The following SLC9A9 variants were observed in gnomAD, a reference collection of about 807,000 sequenced individuals.
The protein encoded by SLC9A9 is solute carrier family 9 member A9.
SLC9A9 carries 62 observed loss-of-function variants against 77.8 expected under a neutral mutation model. The observed-to-expected ratio is 0.80, with a 90% CI of 0.65 to 0.98. The LOEUF (loss-of-function observed/expected upper bound fraction) is 0.98, where lower values mean the gene tolerates loss of function less well. Among genes scored for constraint, SLC9A9 ranks in the 50% least tolerant of loss-of-function variants. The pLI is 0.00. For missense variants in SLC9A9, 775 were observed against 774.9 expected, an observed-to-expected ratio of 1.00 and a Z score of 0.00; for synonymous variants, 320 against 283.5, an observed-to-expected ratio of 1.13 and a Z score of -1.29.
intron 5 of SLC9A9, among the ~76,000 whole-genome samples, chr3:143,692,715 G>A (rs1264161824): frequency 6.6e-6 from 1 of 152,142 alleles, no homozygotes; most frequent in Non-Finnish European, 1.5e-5. Flanking sequence ...ATGTTCTAGA[G>A]CAGGGGTGTC....
intron 6 of SLC9A9, among the ~76,000 whole-genome samples, chr3:143,611,921 A>C: frequency 6.6e-6 from 1 of 152,158 alleles, no homozygotes. Flanking sequence ...AAATATTTAG[A>C]GATAGGGTCT....
chr3:143,689,579 T>C (rs1933390366), intron 5 of SLC9A9, among the ~76,000 whole-genome samples: 1 of 152,030 alleles, frequency 6.6e-6, no homozygotes, highest in Non-Finnish European at 1.5e-5. Flanking sequence ...TATTTTTTTA[T>C]TTTTTATTTT....
chr3:143,333,047 G>A (rs2031822337), intron 14 of SLC9A9, among the ~76,000 whole-genome samples: 1 of 152,146 alleles, frequency 6.6e-6, no homozygotes, highest in South Asian at 2.1e-4. Context: ...TTTTTAAGGG[G>A]AAAACTGATG....
intron 1 of SLC9A9, among the ~76,000 whole-genome samples, chr3:143,837,369 T>A (rs1300868498): frequency 6.6e-6 from 1 of 152,164 alleles, no homozygotes; most frequent in African/African-American, 2.4e-5. Flanking sequence ...TTGGAAGAAT[T>A]TAGGAGTCTA....
intron 12 of SLC9A9, among the ~76,000 whole-genome samples, chr3:143,461,977 T>C (rs1400058487): frequency 6.6e-6 from 1 of 152,224 alleles, no homozygotes; most frequent in African/African-American, 2.4e-5. Flanking sequence ...GGCTGTTATC[T>C]TAAAACTTTG....
intron 12 of SLC9A9, among the ~76,000 whole-genome samples, chr3:143,394,914 G>C (rs548035152): frequency 5.9e-5 from 9 of 152,116 alleles, no homozygotes; most frequent in Non-Finnish European, 1.2e-4. Context: ...CCTCTTCAAG[G>C]AGAGCTACAA....
chr3:143,598,696 T>A (rs1344889914), intron 6 of SLC9A9, among the ~76,000 whole-genome samples: 1 of 152,254 alleles, frequency 6.6e-6, no homozygotes, highest in African/African-American at 2.4e-5. Context: ...CCTACCTACA[T>A]GTTATTAAAA....
At chr3:143,573,270 C>T (rs2037299256) in intron 8 of SLC9A9, among the ~76,000 whole-genome samples, 1 of 152,074 alleles carries the variant, frequency 6.6e-6, no homozygotes, top group African/African-American at 2.4e-5. Context: ...GGATTCTTAC[C>T]ATTCGAATGT....
At chr3:143,571,255 A>G (rs1404850208) in intron 8 of SLC9A9, among the ~76,000 whole-genome samples, 1 of 152,220 alleles carries the variant, frequency 6.6e-6, no homozygotes, top group Non-Finnish European at 1.5e-5. Flanking sequence ...GTTACTCATA[A>G]ACTATTTAAT....
At chr3:143,696,843 G>C (rs1933655848) in intron 4 of SLC9A9, among the ~76,000 whole-genome samples, 1 of 152,086 alleles carries the variant, frequency 6.6e-6, no homozygotes, top group Non-Finnish European at 1.5e-5. Context: ...ATGGAAACTA[G>C]AAGCCTCATA....
chr3:143,815,937 C>A (rs187544481), intron 2 of SLC9A9, among the ~76,000 whole-genome samples: 1 of 152,114 alleles, frequency 6.6e-6, no homozygotes, highest in African/African-American at 2.4e-5. Flanking sequence ...CCAGAGAGAT[C>A]GAGAGACATG....
At chr3:143,370,799 T>G (rs1271831478) in intron 13 of SLC9A9, among the ~76,000 whole-genome samples, 1 of 152,062 alleles carries the variant, frequency 6.6e-6, no homozygotes, top group Non-Finnish European at 1.5e-5. Context: ...GCTTTCACAA[T>G]GGCTAGCCAT....
intron 12 of SLC9A9, among the ~76,000 whole-genome samples, chr3:143,394,921 A>G (rs1041731083): frequency 2.6e-5 from 4 of 152,238 alleles, no homozygotes; most frequent in Non-Finnish European, 2.9e-5. Flanking sequence ...AAGGAGAGCT[A>G]CAAACCACTG....
chr3:143,600,639 C>T (rs2037831479), intron 6 of SLC9A9, among the ~76,000 whole-genome samples: 1 of 152,110 alleles, frequency 6.6e-6, no homozygotes, highest in Non-Finnish European at 1.5e-5. Context: ...TCCCAAAACG[C>T]AATAAATCAG....
Position 143,341,940 on chromosome 3 carries a change from AC to A in SLC9A9, c.1604+21543del, listed in dbSNP as rs148595481. Reference sequence around the variant, plus strand: ...TATCAACACTGGTCCCTTACAAAGGACCCATGCAGATGAAGAGCCCTGAAAG... The same window carrying A: ...TATCAACACTGGTCCCTTACAAAGGACCATGCAGATGAAGAGCCCTGAAAG... On this transcript the variant is annotated intron_variant, in intron 14 of 15. Coordinates refer to ENST00000316549, the MANE Select transcript of SLC9A9 (RefSeq NM_173653.4). Among the ~76,000 whole-genome samples the A allele has an allele frequency of 5.3e-3, 804 of 152,294 alleles. 5 individuals are homozygous for A. The highest frequency in any genetic ancestry group is 0.019 in the African/African-American group (777 of 41,564).
intron 14 of SLC9A9, among the ~76,000 whole-genome samples, chr3:143,351,330 T>C (rs1430062679): frequency 6.6e-6 from 1 of 152,198 alleles, no homozygotes; most frequent in Non-Finnish European, 1.5e-5. Context: ...TTAAATATTA[T>C]TATGTCCCTT....
At chr3:143,841,188 C>T (rs141977974) in intron 1 of SLC9A9, among the ~76,000 whole-genome samples, 1 of 152,088 alleles carries the variant, frequency 6.6e-6, no homozygotes, top group Non-Finnish European at 1.5e-5. Context: ...TGATAACACA[C>T]CCCCTACACA....
intron 4 of SLC9A9, among the ~76,000 whole-genome samples, chr3:143,744,037 C>T (rs1935145624): frequency 6.6e-6 from 1 of 152,100 alleles, no homozygotes; most frequent in Non-Finnish European, 1.5e-5. Flanking sequence ...TGACGAGCAG[C>T]TAATAGGATT....
chr3:143,638,750 G>A (rs1383717253), intron 6 of SLC9A9, among the ~76,000 whole-genome samples: 1 of 152,138 alleles, frequency 6.6e-6, no homozygotes, highest in Non-Finnish European at 1.5e-5. Context: ...CAGAAAAATG[G>A]GCCCTGAATT....
Sources: gnomAD v4.1 joint callset for allele counts (sites outside exome capture counted in the v4.1 genomes callset) on GRCh38, gnomAD v4.1.1 for gene constraint, MANE v1.5 for transcripts, NCBI Gene and HGNC (gene_info 2026-07-23, HGNC 2026-07-21) for gene names.